TMEM178B: variants seen among roughly 807,000 people sequenced by gnomAD.
TMEM178B encodes transmembrane protein 178B.
In TMEM178B, 5 loss-of-function variants were observed where a neutral mutation model predicts 31.0. That is an observed-to-expected ratio of 0.16 (90% CI 0.08 to 0.34). The LOEUF (loss-of-function observed/expected upper bound fraction) is 0.34, where lower values mean the gene tolerates loss of function less well. Ranked by LOEUF, TMEM178B falls within the 10% of genes least tolerant of loss-of-function variation. The pLI is 1.00. For synonymous variants in TMEM178B, 164 were observed against 164.0 expected (o/e 1.00, Z 0.00); for missense variants, 275 against 400.3 (o/e 0.69, Z 2.67).
intron 1 of TMEM178B, among the ~76,000 whole-genome samples, chr7:141,112,121 C>T (rs1415554182): frequency 2.0e-5 from 3 of 152,294 alleles, no homozygotes; most frequent in East Asian, 1.9e-4. Flanking sequence ...TCATGAAGAA[C>T]GAACACACAT....
At chr7:141,246,643 A>G (rs1054567753) in intron 2 of TMEM178B, among the ~76,000 whole-genome samples, 6 of 152,114 alleles carry the variant, frequency 3.9e-5, no homozygotes, top group East Asian at 1.9e-4. Flanking sequence ...AACTGGAAAA[A>G]ATTTGTGGAG....
chr7:141,503,783 G>A, the TMEM178B span, among the ~76,000 whole-genome samples: 1 of 152,322 alleles, frequency 6.6e-6, no homozygotes, highest in East Asian at 1.9e-4. Context: ...GCAAATTGGG[G>A]CAATGTATGT....
intron 2 of TMEM178B, among the ~76,000 whole-genome samples, chr7:141,229,234 A>G (rs1797401582): frequency 6.6e-6 from 1 of 151,670 alleles, no homozygotes; most frequent in Non-Finnish European, 1.5e-5. Context: ...AATTCCATGG[A>G]CTCAGGTCAA....
At chr7:141,269,240 G>A (rs1412434384) in intron 2 of TMEM178B, among the ~76,000 whole-genome samples, 8 of 151,812 alleles carry the variant, frequency 5.3e-5, no homozygotes, top group African/African-American at 1.9e-4. Context: ...ACAGGTGCAC[G>A]CCACCATGCC....
intron 1 of TMEM178B, among the ~76,000 whole-genome samples, chr7:141,180,672 G>A (rs979145808): frequency 1.3e-5 from 2 of 151,992 alleles, no homozygotes; most frequent in Non-Finnish European, 2.9e-5. Flanking sequence ...TTAATACAAT[G>A]GGTTGTTTTG....
chr7:141,093,291 G>A lies in TMEM178B; in HGVS notation c.382+18599G>A, dbSNP rs556773991. ...ATCAGGATTGGCGGAGGGATCAGAT[G>A]CAGGGCAGATGAGAAAAAGAAGTCA... On this transcript the variant is annotated intron_variant, in intron 1 of 3. Coordinates refer to ENST00000565468, the MANE Select transcript of TMEM178B (RefSeq NM_001195278.2). Among the ~76,000 whole-genome samples the A allele has an allele frequency of 3.3e-5, 5 of 152,306 alleles. No individual in the cohort carries two copies. In the South Asian group the frequency reaches 1.0e-3, roughly 32 times the overall value.
In TMEM178B at chr7:141,107,787, G is replaced by T. The variant is rs183691201; in HGVS notation, c.382+33095G>T. ...AATTTGAGAGTTGTCAGCGTTGATG[G>T]TATTTAAAGCTATAATTAGATGAGA... On this transcript the variant is annotated intron_variant, in intron 1 of 3. Transcript: ENST00000565468. Among the ~76,000 whole-genome samples, 49 of 152,276 alleles carry T rather than the reference G, an allele frequency of 3.2e-4. 1 individual carries two copies. The highest frequency in any genetic ancestry group is 6.3e-4 in the Non-Finnish European group (43 of 68,010).
intron 1 of TMEM178B, among the ~76,000 whole-genome samples, chr7:141,084,003 C>T (rs1794736025): frequency 6.6e-6 from 1 of 152,100 alleles, no homozygotes; most frequent in Non-Finnish European, 1.5e-5. Context: ...TGGGGCTTTG[C>T]CATTTTGGCC....
chr7:141,129,127 C>T (rs894022173), intron 1 of TMEM178B, among the ~76,000 whole-genome samples: 4 of 152,108 alleles, frequency 2.6e-5, no homozygotes, highest in African/African-American at 9.7e-5. Context: ...TCAGGGATGC[C>T]CTTGAGGGTA....
At chr7:141,277,555 T>C (rs559494498) in intron 2 of TMEM178B, among the ~76,000 whole-genome samples, 1 of 152,250 alleles carries the variant, frequency 6.6e-6, no homozygotes, top group South Asian at 2.1e-4. Context: ...TTTCAAAAAA[T>C]ATATATAAGT....
intron 3 of TMEM178B, among the ~76,000 whole-genome samples, chr7:141,452,497 A>G (rs930865272): frequency 6.6e-6 from 1 of 152,142 alleles, no homozygotes; most frequent in African/African-American, 2.4e-5. Flanking sequence ...AATTGCCAGC[A>G]TCTGCCAATA....
Position 141,256,031 on chromosome 7 carries a change from C to T in TMEM178B, c.496+43327C>T, listed in dbSNP as rs199825134. On this transcript the variant is annotated intron_variant, in intron 2 of 3. Coordinates refer to ENST00000565468, the MANE Select transcript of TMEM178B (RefSeq NM_001195278.2). ...CCATTCATCCATCCCTCCATCCTTC[C>T]ATCTGTCTGTCCATCCTTCCATCCA... Among the ~76,000 whole-genome samples the T allele has an allele frequency of 1.7e-3, 251 of 152,120 alleles. 2 individuals are homozygous for T. Among genetic ancestry groups the T allele is most frequent in the East Asian group, 4.5e-3 (23 of 5,160 alleles).
intron 2 of TMEM178B, among the ~76,000 whole-genome samples, chr7:141,424,813 TTC>T (rs1222392159): frequency 1.3e-5 from 2 of 152,224 alleles, no homozygotes; most frequent in Non-Finnish European, 2.9e-5. Flanking sequence ...TCATTTAATA[TTC>T]TCTTATGAAT....
intron 2 of TMEM178B, among the ~76,000 whole-genome samples, chr7:141,281,706 T>C (rs1420218349): frequency 6.6e-6 from 1 of 152,148 alleles, no homozygotes; most frequent in Admixed American, 6.5e-5. Flanking sequence ...GAGCCAAGTC[T>C]CCAACGATGG....
intron 2 of TMEM178B, among the ~76,000 whole-genome samples, chr7:141,365,681 G>A (rs917895665): frequency 2.6e-5 from 4 of 152,174 alleles, no homozygotes; most frequent in Non-Finnish European, 4.4e-5. Context: ...TCTGCTCACT[G>A]TGTGCCCGTG....
downstream of TMEM178B, among the ~76,000 whole-genome samples, chr7:141,484,915 A>C (rs1802531755): frequency 6.6e-6 from 1 of 152,186 alleles, no homozygotes; most frequent in South Asian, 2.1e-4. This position sits in a 1 kb window ranked among gnomAD's most constrained non-coding sequence, Gnocchi z 4.8. Context: ...ACAATGAAAA[A>C]AAAAATCAGT....
At chr7:141,319,739 T>C (rs781719893) in intron 2 of TMEM178B, among the ~76,000 whole-genome samples, 2 of 152,174 alleles carry the variant, frequency 1.3e-5, no homozygotes, top group African/African-American at 4.8e-5. Flanking sequence ...GGTTTCACCA[T>C]GTTGGCCAGG....
At chr7:141,184,937 C>T (rs1470881976) in intron 1 of TMEM178B, among the ~76,000 whole-genome samples, 1 of 152,234 alleles carries the variant, frequency 6.6e-6, no homozygotes, top group Non-Finnish European at 1.5e-5. Context: ...AGCACTTCTG[C>T]TCTAAGCTGC....
At chr7:141,396,187 C>T (rs1394049877) in intron 2 of TMEM178B, among the ~76,000 whole-genome samples, 1 of 151,648 alleles carries the variant, frequency 6.6e-6, no homozygotes, top group African/African-American at 2.4e-5. Flanking sequence ...GAAAGAGTGG[C>T]ATTGTCAGGC....
Sources: gnomAD v4.1 joint callset for allele counts (sites outside exome capture counted in the v4.1 genomes callset) on GRCh38, gnomAD v4.1.1 for gene constraint, Gnocchi (gnomAD v3.1) non-coding constraint, MANE v1.5 for transcripts, NCBI Gene and HGNC (gene_info 2026-07-23, HGNC 2026-07-21) for gene names.